PPARGC1A: variants seen among roughly 807,000 people sequenced by gnomAD.
PPARGC1A encodes the protein peroxisome proliferator-activated receptor gamma coactivator 1-alpha.
Under a neutral mutation model 88.7 loss-of-function variants are expected in PPARGC1A, and 25 were observed. The ratio of observed to expected loss-of-function variants is 0.28; its 90% CI spans 0.21 to 0.39. The LOEUF is 0.39. Ranked by LOEUF, PPARGC1A falls within the 10% of genes least tolerant of loss-of-function variation. The probability of loss-of-function intolerance (pLI) is 1.00; values close to 1 mark genes in which losing one functional copy is unlikely to be tolerated. For synonymous variants in PPARGC1A, 363 were observed against 355.6 expected (o/e 1.02, Z -0.24); for missense variants, 880 against 968.7 (o/e 0.91, Z 1.22).
At chr4:23,919,094 T>A in the PPARGC1A span, among the ~76,000 whole-genome samples, 1 of 152,146 alleles carries the variant, frequency 6.6e-6, no homozygotes, top group African/African-American at 2.4e-5. Flanking sequence ...TCTAATTTCA[T>A]CAATTGGATA....
chr4:24,309,096 C>T, the PPARGC1A span, among the ~76,000 whole-genome samples: 1 of 151,464 alleles, frequency 6.6e-6, no homozygotes, highest in African/African-American at 2.4e-5. Flanking sequence ...GCAGTCAAGA[C>T]AGAAAAGGAC....
At chr4:24,205,624 A>G in the PPARGC1A span, among the ~76,000 whole-genome samples, 24 of 152,328 alleles carry the variant, frequency 1.6e-4, no homozygotes, top group African/African-American at 5.5e-4. Flanking sequence ...ACCTGCCCTC[A>G]CAGGAACCCT....
At chr4:23,931,694 G>A in the PPARGC1A span, among the ~76,000 whole-genome samples, 3 of 152,110 alleles carry the variant, frequency 2.0e-5, no homozygotes, top group Non-Finnish European at 2.9e-5. Flanking sequence ...TATTATCCTC[G>A]GCAGTAAAAT....
At chr4:24,194,630 GCACACACACA>G in the PPARGC1A span, among the ~76,000 whole-genome samples, 33 of 48,610 alleles carry the variant, frequency 6.8e-4, 1 homozygote, top group African/African-American at 2.0e-3. Flanking sequence ...GCACGCGCGC[GCACACACACA>G]CACACACACA....
chr4:23,917,402 T>A, the PPARGC1A span, among the ~76,000 whole-genome samples: 1 of 148,020 alleles, frequency 6.8e-6, no homozygotes, highest in African/African-American at 2.5e-5. Context: ...TGAGACAGAG[T>A]CCTGCTCTGT....
intron 2 of PPARGC1A, among the ~76,000 whole-genome samples, chr4:23,870,306 T>A (rs895764530): frequency 6.6e-6 from 1 of 152,230 alleles, no homozygotes; most frequent in Non-Finnish European, 1.5e-5. Context: ...TTTTCCCCAC[T>A]TTAAAAATTA....
At chr4:24,257,551 A>G in the PPARGC1A span, among the ~76,000 whole-genome samples, 1 of 152,136 alleles carries the variant, frequency 6.6e-6, no homozygotes, top group African/African-American at 2.4e-5. Context: ...GGGATTGCAC[A>G]GTCTCCTCCT....
chr4:24,441,050 A>G, the PPARGC1A span, among the ~76,000 whole-genome samples: 2 of 152,102 alleles, frequency 1.3e-5, no homozygotes, highest in Admixed American at 6.5e-5. Context: ...GCAATCTAAC[A>G]CAACATTAAG....
chr4:24,362,108 T>C, the PPARGC1A span, among the ~76,000 whole-genome samples: 1 of 152,208 alleles, frequency 6.6e-6, no homozygotes, highest in Non-Finnish European at 1.5e-5. Context: ...ATTCTTCACA[T>C]TGTTGTCCCT....
At chr4:24,297,962 A>G in the PPARGC1A span, among the ~76,000 whole-genome samples, 64 of 152,230 alleles carry the variant, frequency 4.2e-4, no homozygotes, top group African/African-American at 1.5e-3. Flanking sequence ...TGGTAGCCAA[A>G]GAAAATACTG....
At chr4:24,387,904 G>GAGAAAGAA in the PPARGC1A span, among the ~76,000 whole-genome samples, 162 of 25,230 alleles carry the variant, frequency 6.4e-3, 9 homozygotes, top group African/African-American at 0.012. Flanking sequence ...GAAAAAGAAA[G>GAGAAAGAA]AGAAAGAAAG....
the PPARGC1A span, among the ~76,000 whole-genome samples, chr4:24,005,050 G>A: frequency 6.6e-6 from 1 of 152,098 alleles, no homozygotes; most frequent in Non-Finnish European, 1.5e-5. Flanking sequence ...CAGAGATGAG[G>A]TCTTCAAGGG....
rs185036602 is a variant in PPARGC1A at position 23,884,935 on chromosome 4, C to A, written c.55-4G>T. 1.9e-5 allele frequency: 30 copies of A among 1,551,500 alleles called. No homozygotes were observed. The East Asian group carries it at 6.4e-4, about 33-fold the overall frequency. ...CTTCACCAACCAGAGCAGCACACTG[C>A]AGGAGGCAGAAAAAAAAAATTTAAA... On this transcript the variant is annotated splice_region_variant and splice_polypyrimidine_tract_variant and intron_variant, in intron 1 of 12. Transcript: ENST00000264867.
chr4:24,058,111 C>G, the PPARGC1A span, among the ~76,000 whole-genome samples: 3 of 152,164 alleles, frequency 2.0e-5, no homozygotes, highest in Non-Finnish European at 4.4e-5. Flanking sequence ...AGCATCTTCA[C>G]GTGGTACCCA....
At chr4:24,271,609 C>T in the PPARGC1A span, among the ~76,000 whole-genome samples, 1 of 152,116 alleles carries the variant, frequency 6.6e-6, no homozygotes, top group Admixed American at 6.6e-5. Flanking sequence ...AATCTCCTGA[C>T]CTCGTGATCC....
At chr4:23,912,723 T>C in the PPARGC1A span, among the ~76,000 whole-genome samples, 1 of 152,110 alleles carries the variant, frequency 6.6e-6, no homozygotes, top group Non-Finnish European at 1.5e-5. Flanking sequence ...GTGTCAACTC[T>C]TAAATGAGTT....
chr4:23,895,635 T>C (rs1718464874), intron 1 of PPARGC1A, among the ~76,000 whole-genome samples: 2 of 152,060 alleles, frequency 1.3e-5, no homozygotes, highest in South Asian at 4.1e-4. Context: ...GACGACCGCT[T>C]CTAGGATTGA....
At chr4:24,426,484 G>A in the PPARGC1A span, among the ~76,000 whole-genome samples, 39 of 152,194 alleles carry the variant, frequency 2.6e-4, no homozygotes, top group Admixed American at 2.3e-3. Flanking sequence ...TTCAGCTACT[G>A]TAATCCAACT....
the PPARGC1A span, among the ~76,000 whole-genome samples, chr4:24,204,558 T>A: frequency 6.6e-6 from 1 of 152,036 alleles, no homozygotes; most frequent in Admixed American, 6.5e-5. Context: ...GTAATTCTCC[T>A]GGAAACTACG....
Sources: gnomAD v4.1 joint callset for allele counts (sites outside exome capture counted in the v4.1 genomes callset) on GRCh38, gnomAD v4.1.1 for gene constraint, MANE v1.5 for transcripts, NCBI Gene and HGNC (gene_info 2026-07-23, HGNC 2026-07-21) for gene names.